Variants in ELAVL2 observed in about 807,000 individuals in gnomAD.
ELAVL2 encodes ELAV like RNA binding protein 2.
In ELAVL2, 4 loss-of-function variants were observed where a neutral mutation model predicts 34.6. That is an observed-to-expected ratio of 0.12 (90% CI 0.06 to 0.26). The LOEUF is 0.26. Ranked by LOEUF, ELAVL2 falls within the 10% of genes least tolerant of loss-of-function variation. The pLI, the probability that ELAVL2 is intolerant of heterozygous loss-of-function variation, is 1.00. For missense variants in ELAVL2, 432 were observed against 442.8 expected (o/e 0.98, Z 0.22); for synonymous variants, 193 against 154.8 (o/e 1.25, Z -1.83).
upstream of ELAVL2, among the ~76,000 whole-genome samples, chr9:23,831,103 C>T (rs1359283907): frequency 6.6e-6 from 1 of 152,236 alleles, no homozygotes; most frequent in Non-Finnish European, 1.5e-5. Flanking sequence ...TCAGTCTTTT[C>T]TCTGGCCCCT....
chr9:23,704,742 C>T (rs1200368085), intron 4 of ELAVL2, among the ~76,000 whole-genome samples, 176 bp downstream of exon 4: 5 of 152,170 alleles, frequency 3.3e-5, no homozygotes, highest in South Asian at 2.1e-4. Flanking sequence ...CTATACTCCA[C>T]AATCTATTTT....
chr9:23,744,897 T>A (rs1380929433), intron 2 of ELAVL2, among the ~76,000 whole-genome samples: 3 of 152,170 alleles, frequency 2.0e-5, no homozygotes, highest in Admixed American at 6.5e-5. Flanking sequence ...AGCAAAAAAA[T>A]TCTTTTAAAA....
intron 1 of ELAVL2, among the ~76,000 whole-genome samples, chr9:23,767,476 G>T (rs1327057910): frequency 6.6e-6 from 1 of 152,122 alleles, no homozygotes; most frequent in African/African-American, 2.4e-5. Context: ...AAACCAGGTA[G>T]TTAATCAAAA....
intron 1 of ELAVL2, among the ~76,000 whole-genome samples, chr9:23,824,990 C>A (rs2065206015): frequency 6.6e-6 from 1 of 152,156 alleles, no homozygotes; most frequent in Non-Finnish European, 1.5e-5. Flanking sequence ...AATCCACTTC[C>A]CAGCGCCCAG....
intron 4 of ELAVL2, among the ~76,000 whole-genome samples, chr9:23,702,859 T>G (rs898622510): frequency 6.9e-6 from 1 of 144,412 alleles, no homozygotes; most frequent in African/African-American, 2.5e-5. Context: ...AATAGTGAAA[T>G]GATAGCAAAT....
chr9:23,819,167 T>C (rs2064162663), intron 1 of ELAVL2, among the ~76,000 whole-genome samples: 1 of 152,178 alleles, frequency 6.6e-6, no homozygotes, highest in Admixed American at 6.5e-5. Flanking sequence ...GCTAGCAGCA[T>C]CTGTCTGTGT....
At chr9:23,807,216 A>T (rs1195942296) in intron 1 of ELAVL2, among the ~76,000 whole-genome samples, 3 of 152,198 alleles carry the variant, frequency 2.0e-5, no homozygotes, top group Non-Finnish European at 4.4e-5. Context: ...TAAGGTGGTC[A>T]GAAAGACACT....
At chr9:23,704,365 A>G (rs1339875993) in intron 4 of ELAVL2, among the ~76,000 whole-genome samples, 1 of 152,072 alleles carries the variant, frequency 6.6e-6, no homozygotes, top group Non-Finnish European at 1.5e-5. Flanking sequence ...TTTAATGAAC[A>G]TTTTAGTCTT....
intron 1 of ELAVL2, among the ~76,000 whole-genome samples, 181 bp from the exon 2 acceptor site, chr9:23,762,430 A>C (rs911981986): frequency 2.4e-4 from 36 of 152,228 alleles, no homozygotes; most frequent in African/African-American, 8.2e-4. Context: ...ATTCATCTTA[A>C]GGTTACAACT....
chr9:23,750,758 T>C (rs1393566287), intron 2 of ELAVL2, among the ~76,000 whole-genome samples: 2 of 152,152 alleles, frequency 1.3e-5, no homozygotes, highest in African/African-American at 4.8e-5. Flanking sequence ...CAAACTACAA[T>C]TCATTTAAAT....
rs1409970472 is a variant in ELAVL2 at position 23,692,005 on chromosome 9, C to T, written c.*552G>A. The stretch of plus-strand genomic sequence containing the variant: ...TTACAATAAGCGTTTATAATGTAGC[C>T]CCCCCTTCCCCAACCCAAATCATAA... On this transcript the variant is annotated 3_prime_UTR_variant, in exon 7 of 7. Transcript: ENST00000397312. The T allele has an allele frequency of 6.6e-6, 1 of 152,552 alleles. No homozygotes were observed. Among genetic ancestry groups the T allele is most frequent in the Non-Finnish European group, 1.5e-5 (1 of 68,234 alleles). 9.4% of individuals were successfully genotyped at this position (152,552 alleles called of 1,614,324 possible).
chr9:23,794,895 G>A (rs545291905), intron 1 of ELAVL2, among the ~76,000 whole-genome samples: 1 of 152,126 alleles, frequency 6.6e-6, no homozygotes, highest in Admixed American at 6.5e-5. Flanking sequence ...TACAAATTAG[G>A]TATATACAGC....
chr9:23,803,132 C>T (rs1293451298), intron 1 of ELAVL2, among the ~76,000 whole-genome samples: 1 of 152,156 alleles, frequency 6.6e-6, no homozygotes, highest in Non-Finnish European at 1.5e-5. Flanking sequence ...ACTCTCCTTA[C>T]CTTCAAAGGG....
At chr9:23,796,565 G>A (rs2060952706) in intron 1 of ELAVL2, among the ~76,000 whole-genome samples, 1 of 152,210 alleles carries the variant, frequency 6.6e-6, no homozygotes, top group Admixed American at 6.5e-5. Context: ...AAATTCTGCT[G>A]CTTAGTCATT....
At chr9:23,819,194 T>C (rs987983934) in intron 1 of ELAVL2, among the ~76,000 whole-genome samples, 2 of 152,084 alleles carry the variant, frequency 1.3e-5, no homozygotes, top group African/African-American at 2.4e-5. Flanking sequence ...AATCAAAAGG[T>C]TGATTCAAGG....
chr9:23,747,741 A>G (rs1267222147), intron 2 of ELAVL2, among the ~76,000 whole-genome samples: 1 of 152,124 alleles, frequency 6.6e-6, no homozygotes, highest in Non-Finnish European at 1.5e-5. Flanking sequence ...AAACTCTTAC[A>G]ACCCAGGGGA....
chr9:23,739,651 A>G (rs1357987971), intron 2 of ELAVL2, among the ~76,000 whole-genome samples: 2 of 152,064 alleles, frequency 1.3e-5, no homozygotes, highest in African/African-American at 4.8e-5. Flanking sequence ...GATGAAGGCA[A>G]AGGAACTGTA....
Position 23,717,030 on chromosome 9 carries a change from T to G in ELAVL2, c.334-11959A>C, listed in dbSNP as rs142979457. ...GTATGGAAGGAGAATACAGAGACAG[T>G]TTCCCATCATAACGCAGGTGAGGAG... On this transcript the variant is annotated intron_variant, in intron 3 of 6. Transcript: ENST00000397312. 5.7e-3 allele frequency among the ~76,000 whole-genome samples: 872 copies of G among 152,298 alleles called. 5 individuals are homozygous for G. Among genetic ancestry groups the G allele is most frequent in the Non-Finnish European group, 8.7e-3 (594 of 68,024 alleles).
rs116233052 is a variant in ELAVL2 at position 23,724,161 on chromosome 9, A to G, written c.333+6861T>C. On this transcript the variant is annotated intron_variant, in intron 3 of 6. Coordinates refer to ENST00000397312, the MANE Select transcript of ELAVL2 (RefSeq NM_004432.5). Reference sequence around the variant, plus strand: ...GCTTAGGTAACAAAATGATCCATCAATTCCAATAAAGATGGGTTCAGTCAA... The same window carrying G: ...GCTTAGGTAACAAAATGATCCATCAGTTCCAATAAAGATGGGTTCAGTCAA... Among the ~76,000 whole-genome samples, 349 of 152,310 alleles carry G rather than the reference A, an allele frequency of 2.3e-3. 1 individual carries two copies. Among genetic ancestry groups the G allele is most frequent in the African/African-American group, 8.0e-3 (331 of 41,574 alleles).
Sources: allele counts gnomAD v4.1 joint callset (sites outside exome capture counted in the v4.1 genomes callset), GRCh38; gene constraint gnomAD v4.1.1; transcripts MANE v1.5; gene names NCBI Gene and HGNC (gene_info 2026-07-23, HGNC 2026-07-21).